ANKRD17: variants seen among roughly 807,000 people sequenced by gnomAD.
The protein encoded by ANKRD17 is ankyrin repeat domain-containing protein 17.
ANKRD17 carries 19 observed loss-of-function variants against 229.7 expected under a neutral mutation model. The observed-to-expected ratio is 0.08, with a 90% confidence interval of 0.06 to 0.12. ANKRD17 has a LOEUF of 0.12. Among genes scored for constraint, ANKRD17 ranks in the 10% least tolerant of loss-of-function variants. The pLI, the probability that ANKRD17 is intolerant of heterozygous loss-of-function variation, is 1.00. For missense variants in ANKRD17, 2,176 were observed against 3,176.8 expected, an observed-to-expected ratio of 0.68 and a Z score of 7.57; for synonymous variants, 1,112 against 1,146.1, an observed-to-expected ratio of 0.97 and a Z score of 0.60.
chr4:73,120,820 T>A, intron 20 of ANKRD17, 61 bp downstream of exon 20: 2 of 1,420,436 alleles, frequency 1.4e-6, no homozygotes, highest in Middle Eastern at 1.8e-4. Flanking sequence ...AACATGTTGC[T>A]ACTATATATC....
At chr4:73,113,125 A>G in intron 24 of ANKRD17, 2 of 1,224,390 alleles carry the variant, frequency 1.6e-6, no homozygotes, top group Non-Finnish European at 2.1e-6. Flanking sequence ...TGGCAGTTCC[A>G]TAATATTCAA....
At chr4:73,095,083 A>C (rs1234983845) in intron 27 of ANKRD17, among the ~76,000 whole-genome samples, 1 of 152,102 alleles carries the variant, frequency 6.6e-6, no homozygotes, top group African/African-American at 2.4e-5. Context: ...CTGAGGCAGG[A>C]GAATCACTTG....
chr4:73,093,363 C>G (rs1175175014), intron 28 of ANKRD17, among the ~76,000 whole-genome samples: 4 of 145,518 alleles, frequency 2.7e-5, no homozygotes, highest in Non-Finnish European at 6.0e-5. Flanking sequence ...AGATTCAAAT[C>G]TGAACTCAAA....
intron 1 of ANKRD17, among the ~76,000 whole-genome samples, chr4:73,229,030 A>G (rs1012719870): frequency 2.4e-4 from 37 of 152,236 alleles, no homozygotes; most frequent in Non-Finnish European, 2.6e-4. Context: ...AACTATCGCA[A>G]GAACAAAAAA....
In ANKRD17 at chr4:73,186,764, T is replaced by A. The variant is rs1011347173; in HGVS notation, c.394-9231A>T. Among the ~76,000 whole-genome samples the A allele has an allele frequency of 9.9e-5, 15 of 152,196 alleles. No homozygotes were observed. The East Asian group carries it at 2.9e-3, about 29-fold the overall frequency. On this transcript the variant is annotated intron_variant, in intron 1 of 33. Transcript: ENST00000358602. ...GACAAAGTTCTATGGAATTCTCAAA[T>A]CTAGAGTTTCTAAGTGGTTTTTCTG...
rs767378027 is a variant in ANKRD17, at chr4:73,118,777, C to T, written c.4099G>A (p.Asp1367Asn). The stretch of plus-strand genomic sequence containing the variant: ...GCTTGCACCAGTAACTGAACCACAT[C>T]GAGGTGTCCACCATTTGCTGCTAGC... ...LWLAANGGHLDVVQLLVQAGA... is the reference protein window; with the variant it reads ...LWLAANGGHLNVVQLLVQAGA... The change falls in exon 22 of 34, where the codon GAT becomes AAT. Residue 1367 changes from aspartate to asparagine, a missense_variant. Asp to Asn is a conservative substitution (Grantham distance 23). This residue lies in a region of ANKRD17 where 178 missense variants were observed against 421.7 expected (regional missense o/e 0.42). Coordinates refer to ENST00000358602, the MANE Select transcript of ANKRD17 (RefSeq NM_032217.5). 2 of 1,613,940 alleles carry T rather than the reference C, an allele frequency of 1.2e-6. No homozygotes were observed. The highest frequency in any genetic ancestry group is 8.5e-7 in the Non-Finnish European group (1 of 1,179,966).
At chr4:73,246,402 G>A (rs1017009989) in intron 1 of ANKRD17, among the ~76,000 whole-genome samples, 3 of 152,180 alleles carry the variant, frequency 2.0e-5, no homozygotes, top group African/African-American at 7.2e-5. Context: ...GAATTAGGAG[G>A]AAAAGCATTT....
chr4:73,181,477 G>A (rs770176571), intron 1 of ANKRD17, among the ~76,000 whole-genome samples: 7 of 152,036 alleles, frequency 4.6e-5, no homozygotes, highest in African/African-American at 1.2e-4. Context: ...GAAAGAGCTC[G>A]CGTTACATTA....
chr4:73,218,018 G>T (rs1022035917), intron 1 of ANKRD17, among the ~76,000 whole-genome samples: 29 of 152,288 alleles, frequency 1.9e-4, no homozygotes, highest in Admixed American at 1.9e-3. Flanking sequence ...TGGAGTATAT[G>T]TAAGTATAAA....
At chr4:73,098,624 A>C (rs1723580760) in intron 25 of ANKRD17, 104 bp from the exon 26 acceptor site, 1 of 1,054,122 alleles carries the variant, frequency 9.5e-7, no homozygotes, top group Non-Finnish European at 1.4e-6. Context: ...ATACTCTACT[A>C]CTATTAGCCA....
At chr4:73,179,520 T>A (rs180906765) in intron 1 of ANKRD17, among the ~76,000 whole-genome samples, 9,599 of 48,232 alleles carry the variant, frequency 0.2, 502 homozygotes, top group Non-Finnish European at 0.25. Flanking sequence ...ATATATATAT[T>A]TTTTTTTTTT....
chr4:73,232,460 A>G (rs1046299077), intron 1 of ANKRD17, among the ~76,000 whole-genome samples: 14 of 152,216 alleles, frequency 9.2e-5, no homozygotes, highest in Non-Finnish European at 1.8e-4. Flanking sequence ...TTTTAAAAAG[A>G]GTTTCCTGTC....
intron 3 of ANKRD17, among the ~76,000 whole-genome samples, chr4:73,158,180 GAA>G (rs1334080924): frequency 1.5e-4 from 22 of 151,246 alleles, no homozygotes; most frequent in African/African-American, 5.4e-4. Context: ...AAGAAAGAAA[GAA>G]AGAAAGAGAG....
intron 22 of ANKRD17, among the ~76,000 whole-genome samples, chr4:73,117,730 AT>A (rs1376132448): frequency 1.3e-5 from 2 of 152,232 alleles, no homozygotes; most frequent in Non-Finnish European, 2.9e-5. Context: ...ATATCTCCAA[AT>A]GACAAAACTC....
At chr4:73,150,719 C>T (rs771419555) in intron 7 of ANKRD17, among the ~76,000 whole-genome samples, 1 of 152,062 alleles carries the variant, frequency 6.6e-6, no homozygotes, top group Non-Finnish European at 1.5e-5. Flanking sequence ...TCTTTGGGGG[C>T]CCTTTCTACC....
intron 22 of ANKRD17, among the ~76,000 whole-genome samples, chr4:73,117,116 G>A (rs1446609444): frequency 3.3e-5 from 5 of 152,044 alleles, no homozygotes; most frequent in East Asian, 3.9e-4. Flanking sequence ...AAACTTGTAC[G>A]ACCTCTAGAG....
Position 73,112,388 on chromosome 4 carries a change from A to C in ANKRD17, c.4401+1404T>G, listed in dbSNP as rs74328270. ...ACTGCCTTGTATTTAGCAGGCATTA[A>C]ATAAATGTTAGGTAGTGAATATAAA... On this transcript the variant is annotated intron_variant, in intron 24 of 33. Coordinates refer to ENST00000358602, the MANE Select transcript of ANKRD17 (RefSeq NM_032217.5). Among the ~76,000 whole-genome samples the C allele has an allele frequency of 1.5e-3, 228 of 152,298 alleles. 5 individuals are homozygous for C. The East Asian group carries it at 0.034, about 23-fold the overall frequency.
At chr4:73,121,514 A>G in intron 19 of ANKRD17, 103 bp downstream of exon 19, 1 of 1,373,250 alleles carries the variant, frequency 7.3e-7, no homozygotes. Context: ...CCAAATTTGT[A>G]ATAAAGGGAT....
chr4:73,196,892 A>G (rs1357006415), intron 1 of ANKRD17, among the ~76,000 whole-genome samples: 1 of 152,220 alleles, frequency 6.6e-6, no homozygotes, highest in Non-Finnish European at 1.5e-5. Flanking sequence ...GAATTGGAAT[A>G]CTTAAGAAAT....
Sources: allele counts gnomAD v4.1 joint callset (sites outside exome capture counted in the v4.1 genomes callset), GRCh38; gene constraint gnomAD v4.1.1; regional missense constraint gnomAD v4.1.1; transcripts MANE v1.5; gene names NCBI Gene and HGNC (gene_info 2026-07-23, HGNC 2026-07-21).